Variants in NUMB observed in about 807,000 individuals in gnomAD.
The protein encoded by NUMB is NUMB endocytic adaptor protein.
NUMB carries 29 observed loss-of-function variants against 59.7 expected under a neutral mutation model. The observed-to-expected ratio is 0.49, with a 90% CI of 0.36 to 0.66. The LOEUF is 0.66. Ranked by LOEUF, NUMB falls within the 30% of genes least tolerant of loss-of-function variation. NUMB has a pLI of 0.00. For synonymous variants in NUMB, 288 were observed against 288.2 expected (o/e 1.00, Z 0.01); for missense variants, 723 against 822.0 (o/e 0.88, Z 1.47).
At position 73,275,944 on chromosome 14, in the gene NUMB, T is replaced by C. The variant is rs918093558; in HGVS notation, c.*634A>G. 4 of 152,686 alleles carry C rather than the reference T, an allele frequency of 2.6e-5. No homozygotes were observed. Among genetic ancestry groups the C allele is most frequent in the Non-Finnish European group, 5.9e-5 (4 of 68,050 alleles). The allele number at this position is 152,686 out of a possible 1,614,324, so 9.5% of individuals were successfully genotyped here. ...ACTTACAACTCATACAACTTCTTAATATCTGAGAACTATTTAAAATATTCT... is the reference window on the plus strand; with the variant it reads ...ACTTACAACTCATACAACTTCTTAACATCTGAGAACTATTTAAAATATTCT... On this transcript the variant is annotated 3_prime_UTR_variant, in exon 13 of 13. Coordinates refer to ENST00000555238, the MANE Select transcript of NUMB (RefSeq NM_001005743.2).
intron 6 of NUMB, among the ~76,000 whole-genome samples, chr14:73,313,043 G>A (rs2139893140): frequency 6.6e-6 from 1 of 151,394 alleles, no homozygotes; most frequent in South Asian, 2.1e-4. Flanking sequence ...CTGGAGTGCA[G>A]TGGTGTGATC....
At chr14:73,357,957 T>C (rs1594946440) in intron 3 of NUMB, among the ~76,000 whole-genome samples, 3 of 151,466 alleles carry the variant, frequency 2.0e-5, no homozygotes, top group African/African-American at 7.3e-5. Context: ...TTCTTCTTCA[T>C]TTCTTCGTCT....
At position 73,282,377 on chromosome 14, in the gene NUMB, G is replaced by C; in HGVS notation, c.1078C>G (p.Gln360Glu). Reference protein sequence around the residue: ...MTKPVTVVAPQSPTFQANGTD... With the variant: ...MTKPVTVVAPESPTFQANGTD... ...CACCAACCTTGGAAGGTAGGAGATT[G>C]TGGTGCCACCACTGTCACTGGTTTG... The change falls in exon 11 of 13, where the codon CAA (glutamine) becomes GAA (glutamate). Residue 360 changes from glutamine to glutamate, a missense_variant. Physicochemically the swap from Gln to Glu is conservative, Grantham distance 29. This residue lies in a region of NUMB where 406 missense variants were observed against 385.4 expected (regional missense o/e 1.05). Coordinates refer to ENST00000555238, the MANE Select transcript of NUMB (RefSeq NM_001005743.2). 6.2e-7 allele frequency: 1 copy of C among 1,614,194 alleles called. No homozygotes were observed.
At chr14:73,422,835 G>A (rs1395242455) in intron 1 of NUMB, among the ~76,000 whole-genome samples, 1 of 151,452 alleles carries the variant, frequency 6.6e-6, no homozygotes, top group Non-Finnish European at 1.5e-5. Context: ...CCTCCAACCT[G>A]GGAATCACAT....
At chr14:73,400,283 T>C (rs1896350808) in intron 2 of NUMB, among the ~76,000 whole-genome samples, 1 of 152,116 alleles carries the variant, frequency 6.6e-6, no homozygotes, top group South Asian at 2.1e-4. Context: ...GAGGAAGGGA[T>C]GGACAGCCAG....
intron 1 of NUMB, among the ~76,000 whole-genome samples, chr14:73,447,081 G>A (rs1331841432): frequency 1.3e-5 from 2 of 151,564 alleles, no homozygotes; most frequent in African/African-American, 4.9e-5. Flanking sequence ...AGCTACTCGG[G>A]GAGGCCGAGG....
intron 2 of NUMB, among the ~76,000 whole-genome samples, chr14:73,372,675 C>T (rs1487380497): frequency 6.6e-6 from 1 of 151,572 alleles, no homozygotes; most frequent in Non-Finnish European, 1.5e-5. Flanking sequence ...TTGTTCAGTC[C>T]TAGAACTGAC....
At chr14:73,383,107 C>T (rs532956321) in intron 2 of NUMB, among the ~76,000 whole-genome samples, 75 of 152,320 alleles carry the variant, frequency 4.9e-4, no homozygotes, top group African/African-American at 1.7e-3. Flanking sequence ...GATTGTGCCA[C>T]TGCACTCCAG....
At chr14:73,368,301 C>T (rs189108486) in intron 2 of NUMB, among the ~76,000 whole-genome samples, 51 of 152,226 alleles carry the variant, frequency 3.4e-4, no homozygotes, top group African/African-American at 1.2e-3. Context: ...TCGGGCCGGG[C>T]ACAGTGGCTC....
At chr14:73,285,873 C>T (rs138595690) in intron 9 of NUMB, among the ~76,000 whole-genome samples, 63 of 150,818 alleles carry the variant, frequency 4.2e-4, no homozygotes, top group Non-Finnish European at 5.2e-4. Flanking sequence ...CGGCAGTCAG[C>T]GGAGACTGCG....
At chr14:73,355,569 TACAC>T in intron 4 of NUMB, 53 bp downstream of exon 4, 2 of 1,503,880 alleles carry the variant, frequency 1.3e-6, no homozygotes, top group Non-Finnish European at 1.8e-6. Flanking sequence ...AGATTTCACA[TACAC>T]TAGATTGTCA....
chr14:73,308,758 A>G (rs1890603364), intron 6 of NUMB, among the ~76,000 whole-genome samples: 1 of 152,218 alleles, frequency 6.6e-6, no homozygotes, highest in African/African-American at 2.4e-5. Flanking sequence ...AAGAGTCCAC[A>G]GACGAAGGGG....
chr14:73,382,548 C>A (rs1407146116), intron 2 of NUMB, among the ~76,000 whole-genome samples: 1 of 151,816 alleles, frequency 6.6e-6, no homozygotes, highest in African/African-American at 2.4e-5. Flanking sequence ...ACCCTAGGTA[C>A]CTCTGGTACC....
rs1245970102 is a variant in NUMB, at chr14:73,275,822, C to T, written c.*756G>A. 6.6e-6 allele frequency: 1 copy of T among 152,630 alleles called. No homozygotes were observed. Among genetic ancestry groups the T allele is most frequent in the Admixed American group, 6.5e-5 (1 of 15,272 alleles). 9.5% of individuals were successfully genotyped at this position (152,630 alleles called of 1,614,324 possible). A position where few individuals can be genotyped will look rare whatever the true frequency, so the allele number is the denominator to read the frequency against. Reference sequence around the variant, plus strand: ...AACAAGCTAGGGATCCTGTCTGCAGCTTCCAGCCTTTCCTCTTTTTATTTC... The same window carrying T: ...AACAAGCTAGGGATCCTGTCTGCAGTTTCCAGCCTTTCCTCTTTTTATTTC... On this transcript the variant is annotated 3_prime_UTR_variant, in exon 13 of 13. Coordinates refer to ENST00000555238, the MANE Select transcript of NUMB (RefSeq NM_001005743.2).
chr14:73,278,045 C>CAAAA (rs57146032), intron 12 of NUMB, among the ~76,000 whole-genome samples: 934 of 68,258 alleles, frequency 0.014, 48 homozygotes, highest in Middle Eastern at 0.022. Context: ...GACTCCGTCT[C>CAAAA]AAAAAAAAAA....
Position 73,323,152 on chromosome 14 carries a change from T to A in NUMB, c.179A>T (p.Asp60Val). The A allele has an allele frequency of 6.2e-7, 1 of 1,613,404 alleles. No homozygotes were observed. Among genetic ancestry groups the A allele is most frequent in the Non-Finnish European group, 8.5e-7 (1 of 1,179,444 alleles). Residue 60 changes from aspartate to valine, a missense_variant, in exon 5 of 13, where the codon GAT (aspartate) becomes GTT (valine). Asp to Val is a radical substitution (Grantham distance 152). Coordinates refer to ENST00000555238, the MANE Select transcript of NUMB (RefSeq NM_001005743.2). The part of the protein sequence containing the change: ...DESRGMHICE[D>V]AVKRLKAERK... ...TACAGCTTTCAATCTTTTTACAGCA[T>A]CTTCACAGATGTGCATTCCTCTTGA...
At chr14:73,373,437 C>T (rs1215705804) in intron 2 of NUMB, among the ~76,000 whole-genome samples, 1 of 152,180 alleles carries the variant, frequency 6.6e-6, no homozygotes, top group Non-Finnish European at 1.5e-5. Context: ...ATTCAACTCA[C>T]AAATATTTAT....
chr14:73,382,251 A>G (rs1021858389), intron 2 of NUMB, among the ~76,000 whole-genome samples: 12 of 152,132 alleles, frequency 7.9e-5, no homozygotes, highest in Admixed American at 1.3e-4. Context: ...GGTTCGAGTG[A>G]TTCTCCTGCC....
intron 2 of NUMB, among the ~76,000 whole-genome samples, chr14:73,392,392 G>T (rs1039536930): frequency 6.6e-6 from 1 of 152,174 alleles, no homozygotes; most frequent in Non-Finnish European, 1.5e-5. Context: ...GAATGCAAAG[G>T]CTCTAATAAC....
Sources: allele counts gnomAD v4.1 joint callset (sites outside exome capture counted in the v4.1 genomes callset), GRCh38; gene constraint gnomAD v4.1.1; regional missense constraint gnomAD v4.1.1; transcripts MANE v1.5; gene names NCBI Gene and HGNC (gene_info 2026-07-23, HGNC 2026-07-21).